The following RALGAPA1 variants were observed in gnomAD, a reference collection of about 807,000 sequenced individuals.
The protein encoded by RALGAPA1 is Ral GTPase activating protein catalytic subunit alpha 1.
Under a neutral mutation model 269.6 loss-of-function variants are expected in RALGAPA1, and 52 were observed. The ratio of observed to expected loss-of-function variants is 0.19; its 90% confidence interval spans 0.15 to 0.24. RALGAPA1 has a LOEUF of 0.24. Among genes scored for constraint, RALGAPA1 ranks in the 10% least tolerant of loss-of-function variants. RALGAPA1 has a pLI of 1.00. For missense variants in RALGAPA1, 1,917 were observed against 3,013.9 expected, an observed-to-expected ratio of 0.64 and a Z score of 8.52; for synonymous variants, 817 against 1,008.3, an observed-to-expected ratio of 0.81 and a Z score of 3.60.
intron 28 of RALGAPA1, 38 bp downstream of exon 28, chr14:35,659,100 C>G (rs1720125567): frequency 6.7e-7 from 1 of 1,489,130 alleles, no homozygotes; most frequent in Non-Finnish European, 9.1e-7. Context: ...CTTCCAAACA[C>G]AAAATAGTTA....
chr14:35,674,171 T>C lies in RALGAPA1; in HGVS notation c.4917+9A>G. The C allele has an allele frequency of 6.3e-7, 1 of 1,578,884 alleles. No individual in the cohort carries two copies. The highest frequency in any genetic ancestry group is 2.3e-5 in the East Asian group (1 of 44,414). ...AGTTTTAAACTAATATTTTATATATTAAGCTTACCTTAAAAAGCCAAGGTG... is the reference window on the plus strand; with the variant it reads ...AGTTTTAAACTAATATTTTATATATCAAGCTTACCTTAAAAAGCCAAGGTG... On this transcript the variant is annotated intron_variant, in intron 24 of 41. Coordinates refer to ENST00000680220, the MANE Select transcript of RALGAPA1 (RefSeq NM_001346249.2).
intron 12 of RALGAPA1, 105 bp downstream of exon 12, chr14:35,738,408 G>T (rs971278082): frequency 1.6e-5 from 11 of 672,138 alleles, no homozygotes; most frequent in Non-Finnish European, 2.4e-5. Flanking sequence ...GATAAATATA[G>T]GTGGTGAATT....
chr14:35,778,948 G>C (rs1474528765), intron 1 of RALGAPA1, among the ~76,000 whole-genome samples: 1 of 152,164 alleles, frequency 6.6e-6, no homozygotes, highest in African/African-American at 2.4e-5. Flanking sequence ...TTTTACAGGT[G>C]AGAAAATTTA....
rs187514288 is a variant in RALGAPA1 at position 35,796,932 on chromosome 14, C to T, written c.106+11798G>A. On this transcript the variant is annotated intron_variant, in intron 1 of 41. Coordinates refer to ENST00000680220, the MANE Select transcript of RALGAPA1 (RefSeq NM_001346249.2). The stretch of plus-strand genomic sequence containing the variant: ...CCACCTGAGTAGCTGGGACTACAGG[C>T]GCGTGCCACCACACCGGGTTAATTT... Among the ~76,000 whole-genome samples, 549 of 152,058 alleles carry T rather than the reference C, an allele frequency of 3.6e-3. 3 individuals carry two copies. Among genetic ancestry groups the T allele is most frequent in the African/African-American group, 0.013 (521 of 41,518 alleles).
At chr14:35,599,586 A>C (rs2059149901) in intron 36 of RALGAPA1, among the ~76,000 whole-genome samples, 1 of 152,122 alleles carries the variant, frequency 6.6e-6, no homozygotes, top group African/African-American at 2.4e-5. Context: ...CTCTACCAAA[A>C]TTACAAAAAA....
intron 12 of RALGAPA1, among the ~76,000 whole-genome samples, chr14:35,736,116 G>C (rs1471312944): frequency 6.6e-6 from 1 of 152,200 alleles, no homozygotes; most frequent in African/African-American, 2.4e-5. Context: ...AAAGATTAGA[G>C]AGAGAAACTT....
chr14:35,766,675 A>G, intron 4 of RALGAPA1: 3 of 658,384 alleles, frequency 4.6e-6, no homozygotes, highest in South Asian at 1.4e-5. Flanking sequence ...CTCTCAGGAA[A>G]TGTTTTCTTG....
intron 39 of RALGAPA1, among the ~76,000 whole-genome samples, chr14:35,550,754 T>C (rs7158312): frequency 0.024 from 3,690 of 152,256 alleles, 147 homozygotes; most frequent in African/African-American, 0.084. Flanking sequence ...AAAATAACCT[T>C]GAATCCCAAT....
Position 35,663,428 on chromosome 14 carries a change from C to A in RALGAPA1, c.5328+1214G>T, listed in dbSNP as rs1362635818. Among the ~76,000 whole-genome samples the A allele has an allele frequency of 2.1e-3, 316 of 149,368 alleles. 1 individual carries two copies. Among genetic ancestry groups the A allele is most frequent in the African/African-American group, 7.5e-3 (307 of 40,724 alleles). ...GAGAAAAAGCAAGTTTTAAAAAAAA[C>A]AAAAACAAAAAAAAAAACACATCTG... On this transcript the variant is annotated intron_variant, in intron 27 of 41. Transcript: ENST00000680220.
intron 3 of RALGAPA1, among the ~76,000 whole-genome samples, chr14:35,773,207 A>G (rs1595507561): frequency 6.6e-6 from 1 of 152,148 alleles, no homozygotes; most frequent in Admixed American, 6.6e-5. Context: ...CATGTGCCCT[A>G]AACTGCACAG....
intron 41 of RALGAPA1, among the ~76,000 whole-genome samples, chr14:35,548,156 A>T (rs554533627): frequency 6.6e-6 from 1 of 152,244 alleles, no homozygotes; most frequent in East Asian, 1.9e-4. Context: ...GATATCCAAT[A>T]ACAATGCAAC....
At chr14:35,725,233 T>C in intron 13 of RALGAPA1, 80 bp from the exon 14 acceptor site, 1 of 980,484 alleles carries the variant, frequency 1.0e-6, no homozygotes, top group Non-Finnish European at 1.4e-6. Flanking sequence ...AAATACATAC[T>C]TCTTATAAAA....
intron 13 of RALGAPA1, 106 bp downstream of exon 13, chr14:35,728,256 A>G: frequency 3.8e-6 from 4 of 1,057,256 alleles, no homozygotes; most frequent in Non-Finnish European, 5.0e-6. Flanking sequence ...AGGAGCCTCT[A>G]TAATACTGTA....
intron 31 of RALGAPA1, among the ~76,000 whole-genome samples, chr14:35,647,964 T>C (rs1044471789): frequency 6.8e-6 from 1 of 147,954 alleles, no homozygotes. Context: ...AATAAATAAA[T>C]AAATAAGATG....
intron 1 of RALGAPA1, among the ~76,000 whole-genome samples, chr14:35,778,997 G>A (rs1161765412): frequency 6.6e-6 from 1 of 152,104 alleles, no homozygotes; most frequent in African/African-American, 2.4e-5. Flanking sequence ...ATAAGAAGTA[G>A]AGTCAGGATT....
intron 12 of RALGAPA1, among the ~76,000 whole-genome samples, chr14:35,731,292 G>C (rs1223256087): frequency 6.6e-6 from 1 of 152,130 alleles, no homozygotes; most frequent in Non-Finnish European, 1.5e-5. Context: ...GAAGGAACCA[G>C]AAAACCAACT....
intron 32 of RALGAPA1, among the ~76,000 whole-genome samples, chr14:35,635,133 T>G (rs1245395735): frequency 6.6e-6 from 1 of 151,798 alleles, no homozygotes; most frequent in East Asian, 1.9e-4. Context: ...ATTGAGCCAT[T>G]GCACTCCAGC....
At chr14:35,583,884 A>G (rs2058106884) in intron 37 of RALGAPA1, among the ~76,000 whole-genome samples, 1 of 152,182 alleles carries the variant, frequency 6.6e-6, no homozygotes. Flanking sequence ...GTGAAAAAGA[A>G]ATAAGACTTT....
chr14:35,595,523 T>C, intron 37 of RALGAPA1, 111 bp downstream of exon 37: 1 of 926,472 alleles, frequency 1.1e-6, no homozygotes, highest in South Asian at 1.4e-5. Context: ...TGGAGTGGTG[T>C]ACTACAACCA....
Sources: allele counts gnomAD v4.1 joint callset (sites outside exome capture counted in the v4.1 genomes callset), GRCh38; gene constraint gnomAD v4.1.1; transcripts MANE v1.5; gene names NCBI Gene and HGNC (gene_info 2026-07-23, HGNC 2026-07-21).